Variants in PCDHGA5 observed in about 807,000 individuals in gnomAD.
PCDHGA5 encodes protocadherin gamma-A5.
A neutral mutation model predicts 56.7 loss-of-function variants in PCDHGA5; 36 were observed. The ratio of observed to expected loss-of-function variants is 0.64; its 90% CI spans 0.49 to 0.84. The LOEUF is 0.84. PCDHGA5 is among the 40% of genes least tolerant of loss of function. The pLI, the probability that PCDHGA5 is intolerant of heterozygous loss-of-function variation, is 0.00. For synonymous variants in PCDHGA5, 563 were observed against 520.2 expected (o/e 1.08, Z -1.12); for missense variants, 1,305 against 1,201.5 (o/e 1.09, Z -1.27).
At chr5:141,440,030 G>A (rs780807702) in intron 1 of PCDHGA5, 2 of 153,028 alleles carry the variant, frequency 1.3e-5, no homozygotes, top group African/African-American at 2.4e-5. Context: ...ACTCAGTGTC[G>A]AGGACATGCC....
intron 1 of PCDHGA5, among the ~76,000 whole-genome samples, chr5:141,474,294 G>A (rs535055214): frequency 1.3e-5 from 2 of 152,296 alleles, no homozygotes; most frequent in African/African-American, 4.8e-5. Context: ...CTAGATCAGT[G>A]CTTGTCAAAC....
At position 141,430,761 on chromosome 5, in the gene PCDHGA5, T is replaced by C. The variant is rs769012885; in HGVS notation, c.2421+64010T>C. The C allele has an allele frequency of 2.0e-6, 3 of 1,506,132 alleles. No individual in the cohort carries two copies. The African/African-American group carries it at 4.2e-5, about 21-fold the overall frequency. The allele number at this position is 1,506,132 out of a possible 1,614,324, so 93.3% of individuals were successfully genotyped here. ...AAATAATTCTGGAGGAAGATAAGAATGATTCCTGCGCGACTGCACCGGGAC... is the reference window on the plus strand; with the variant it reads ...AAATAATTCTGGAGGAAGATAAGAACGATTCCTGCGCGACTGCACCGGGAC... On this transcript the variant is annotated intron_variant, in intron 1 of 3. Coordinates refer to ENST00000518069, the MANE Select transcript of PCDHGA5 (RefSeq NM_018918.3).
chr5:141,421,901 G>A lies in PCDHGA5; in HGVS notation c.2421+55150G>A. ...GATGGAGGCGATCCCATCCGAAAGG[G>A]CGCAGTTCCCATTCGTGTGGTGGTC... is the stretch of plus-strand genomic sequence containing the variant. On this transcript the variant is annotated intron_variant, in intron 1 of 3. Coordinates refer to ENST00000518069, the MANE Select transcript of PCDHGA5 (RefSeq NM_018918.3). 1.9e-6 allele frequency: 3 copies of A among 1,613,724 alleles called. No individual in the cohort carries two copies. Among genetic ancestry groups the A allele is most frequent in the East Asian group, 2.2e-5 (1 of 44,880 alleles).
In PCDHGA5 at chr5:141,432,545, A is replaced by G; in HGVS notation, c.2422-62262A>G. Reference sequence around the variant, plus strand: ...GGTGACCAAGGTGGTGGCGGTGGACAGAGACTCCGGCCAGAACGCCTGGCT... The same window carrying G: ...GGTGACCAAGGTGGTGGCGGTGGACGGAGACTCCGGCCAGAACGCCTGGCT... On this transcript the variant is annotated intron_variant, in intron 1 of 3. Coordinates refer to ENST00000518069, the MANE Select transcript of PCDHGA5 (RefSeq NM_018918.3). This position sits in a 1 kb window ranked among gnomAD's most constrained non-coding sequence, Gnocchi z 6.0. The G allele has an allele frequency of 1.2e-6, 2 of 1,613,876 alleles. No homozygotes were observed. Among genetic ancestry groups the G allele is most frequent in the Non-Finnish European group, 1.7e-6 (2 of 1,179,984 alleles).
At chr5:141,488,439 C>G (rs2099675441) in intron 1 of PCDHGA5, among the ~76,000 whole-genome samples, 1 of 152,206 alleles carries the variant, frequency 6.6e-6, no homozygotes, top group African/African-American at 2.4e-5. Context: ...TCTGACCACC[C>G]TCCTGGGTGA....
At chr5:141,376,163 G>C in intron 1 of PCDHGA5, 11 of 1,614,112 alleles carry the variant, frequency 6.8e-6, no homozygotes, top group Non-Finnish European at 9.3e-6. Flanking sequence ...TCTGTACCTG[G>C]TGGTGGCGGT....
intron 1 of PCDHGA5, among the ~76,000 whole-genome samples, chr5:141,464,888 GCCACCATGT>G (rs1351812446): frequency 6.6e-6 from 1 of 152,000 alleles, no homozygotes; most frequent in East Asian, 1.9e-4. Context: ...ACAGATGGAT[GCCACCATGT>G]CCAGCTAATT....
chr5:141,422,780 T>C, intron 1 of PCDHGA5: 2 of 1,614,140 alleles, frequency 1.2e-6, no homozygotes, highest in Non-Finnish European at 1.7e-6. Context: ...CTCTATGCCC[T>C]ACAATCCTTC....
chr5:141,412,027 C>T (rs1360599996), intron 1 of PCDHGA5: 1 of 152,086 alleles, frequency 6.6e-6, no homozygotes, highest in Non-Finnish European at 1.5e-5. Context: ...ATCCTGTTCT[C>T]TGTGTGAAAG....
At chr5:141,395,234 T>C in intron 1 of PCDHGA5, 1 of 1,601,772 alleles carries the variant, frequency 6.2e-7, no homozygotes, top group Non-Finnish European at 8.5e-7. Flanking sequence ...CTGATCATGG[T>C]CAGGTGAGTT....
At chr5:141,506,930 T>C (rs2099857287) in intron 3 of PCDHGA5, among the ~76,000 whole-genome samples, 1 of 152,150 alleles carries the variant, frequency 6.6e-6, no homozygotes, top group African/African-American at 2.4e-5. Context: ...AAACAAACTT[T>C]AGGGGCCTCC....
intron 1 of PCDHGA5, chr5:141,394,196 C>G (rs760903381): frequency 2.7e-5 from 44 of 1,613,792 alleles, no homozygotes; most frequent in African/African-American, 4.0e-5. Flanking sequence ...CAGCGTATAT[C>G]CTAGAGAACA....
intron 1 of PCDHGA5, chr5:141,413,356 C>T: frequency 6.2e-7 from 1 of 1,613,962 alleles, no homozygotes; most frequent in South Asian, 1.1e-5. Context: ...TCTGGCGCCC[C>T]GGGAGCTGGC....
At chr5:141,383,279 A>G in intron 1 of PCDHGA5, 7 of 1,613,948 alleles carry the variant, frequency 4.3e-6, no homozygotes, top group Non-Finnish European at 5.9e-6. Context: ...ATAGATATTA[A>G]TGACAACGTT....
intron 3 of PCDHGA5, among the ~76,000 whole-genome samples, chr5:141,510,624 A>C (rs2099881973): frequency 6.6e-6 from 1 of 152,164 alleles, no homozygotes; most frequent in African/African-American, 2.4e-5. Flanking sequence ...TAAAACCAGA[A>C]GAGGTGGTTA....
At chr5:141,389,600 C>T (rs748837518) in intron 1 of PCDHGA5, 28 of 1,613,080 alleles carry the variant, frequency 1.7e-5, no homozygotes, top group Non-Finnish European at 2.3e-5. Flanking sequence ...GCTCTGCGCT[C>T]TTCGATATGG....
chr5:141,498,805 C>T (rs1397026274), intron 2 of PCDHGA5, among the ~76,000 whole-genome samples: 1 of 152,000 alleles, frequency 6.6e-6, no homozygotes, highest in Non-Finnish European at 1.5e-5. Flanking sequence ...TGGTGGTGCA[C>T]ACCTGTAGTC....
rs147783721 is a variant in PCDHGA5 at position 141,404,989 on chromosome 5, G to T, written c.2421+38238G>T. ...TCCTGGCTGACCTGGGCAGTCTTCAGATCCCTGCAGACCTGGAGGCCTCAG... is the reference window on the plus strand; with the variant it reads ...TCCTGGCTGACCTGGGCAGTCTTCATATCCCTGCAGACCTGGAGGCCTCAG... On this transcript the variant is annotated intron_variant, in intron 1 of 3. Transcript: ENST00000518069. 1.6e-5 allele frequency: 26 copies of T among 1,614,046 alleles called. No individual in the cohort carries two copies. In the Admixed American group the frequency reaches 4.0e-4, roughly 25 times the overall value.
At chr5:141,407,407 G>A (rs558103918) in intron 1 of PCDHGA5, among the ~76,000 whole-genome samples, 17 of 152,216 alleles carry the variant, frequency 1.1e-4, no homozygotes, top group African/African-American at 3.6e-4. Context: ...GTTACTATTC[G>A]ATACCACAAA....
Sources: allele counts gnomAD v4.1 joint callset (sites outside exome capture counted in the v4.1 genomes callset), GRCh38; gene constraint gnomAD v4.1.1; non-coding constraint Gnocchi (gnomAD v3.1); transcripts MANE v1.5; gene names NCBI Gene and HGNC (gene_info 2026-07-23, HGNC 2026-07-21).